The following VPS13A variants were observed in gnomAD, a reference collection of about 807,000 sequenced individuals.
The protein encoded by VPS13A is vacuolar protein sorting 13 homolog A, also known as intermembrane lipid transfer protein VPS13A.
A neutral mutation model predicts 390.9 loss-of-function variants in VPS13A; 264 were observed. That is an observed-to-expected ratio of 0.68 (90% CI 0.61 to 0.75). VPS13A has a LOEUF of 0.75. Ranked by LOEUF, VPS13A falls within the 30% of genes least tolerant of loss-of-function variation. VPS13A has a pLI of 0.00. For synonymous variants in VPS13A, 1,231 were observed against 1,227.1 expected, an observed-to-expected ratio of 1.00 and a Z score of -0.07; for missense variants, 3,409 against 3,733.9, an observed-to-expected ratio of 0.91 and a Z score of 2.27.
chr9:77,226,308 C>A (rs1044280211), intron 14 of VPS13A, among the ~76,000 whole-genome samples, 158 bp from the exon 15 acceptor site: 3 of 151,882 alleles, frequency 2.0e-5, no homozygotes, highest in Non-Finnish European at 2.9e-5. Context: ...TTCTTATGTT[C>A]GACTAATGTT....
intron 40 of VPS13A, among the ~76,000 whole-genome samples, 186 bp from the exon 41 acceptor site, chr9:77,318,049 A>G (rs1272654210): frequency 2.0e-5 from 3 of 151,948 alleles, no homozygotes; most frequent in Non-Finnish European, 4.4e-5. Context: ...TATCTGCAAG[A>G]TTCATGTAAA....
chr9:77,361,142 C>G (rs995781618), intron 59 of VPS13A, among the ~76,000 whole-genome samples: 1 of 152,068 alleles, frequency 6.6e-6, no homozygotes, highest in Admixed American at 6.6e-5. Context: ...AGATCACATA[C>G]CATACATTTC....
chr9:77,278,990 A>G (rs1357097315), intron 26 of VPS13A, among the ~76,000 whole-genome samples: 3 of 152,196 alleles, frequency 2.0e-5, no homozygotes, highest in African/African-American at 7.2e-5. Context: ...GCCCCAGGAC[A>G]GCATCTAGGG....
rs758665495 is a variant in VPS13A, at chr9:77,260,258, A to T, written c.2427+34A>T. 38 of 1,603,940 alleles carry T rather than the reference A, an allele frequency of 2.4e-5. No individual in the cohort carries two copies. In the Middle Eastern group the frequency reaches 5.0e-4, roughly 21 times the overall value. ...ACTTTCAAAATTAATATAAGCATGA[A>T]TTAAGAAAGTCCACAAATAGTATTT... On this transcript the variant is annotated intron_variant, in intron 23 of 71. Transcript: ENST00000360280.
At chr9:77,335,695 A>T (rs1830505165) in intron 46 of VPS13A, among the ~76,000 whole-genome samples, 1 of 152,230 alleles carries the variant, frequency 6.6e-6, no homozygotes, top group Non-Finnish European at 1.5e-5. Context: ...TTAAAAAGTC[A>T]GGACACAACA....
intron 68 of VPS13A, chr9:77,382,380 A>G: frequency 2.0e-6 from 3 of 1,476,156 alleles, no homozygotes; most frequent in Non-Finnish European, 2.7e-6. Context: ...CAGCTGTTTC[A>G]GTATTTTGAA....
intron 33 of VPS13A, among the ~76,000 whole-genome samples, chr9:77,296,663 T>C (rs2131378291): frequency 6.6e-6 from 1 of 152,342 alleles, no homozygotes; most frequent in East Asian, 1.9e-4. Flanking sequence ...CAGAATAAGT[T>C]GCATATCTTT....
chr9:77,382,292 T>C (rs1383172697), intron 68 of VPS13A: 1 of 1,531,124 alleles, frequency 6.5e-7, no homozygotes, highest in Non-Finnish European at 8.8e-7. Flanking sequence ...TCAAAAAGTT[T>C]GATATGAAAA....
rs529262536 is a variant in VPS13A at position 77,192,801 on chromosome 9, T to A, written c.101-7144T>A. Among the ~76,000 whole-genome samples, 3 of 152,270 alleles carry A rather than the reference T, an allele frequency of 2.0e-5. No individual in the cohort carries two copies. In the East Asian group the frequency reaches 5.8e-4, roughly 29 times the overall value. ...TTTCTTTCACATTGACCTTGGAGAA[T>A]CTGATGATTATGTGTCTTGGGGATG... On this transcript the variant is annotated intron_variant, in intron 1 of 71. Transcript: ENST00000360280.
intron 67 of VPS13A, among the ~76,000 whole-genome samples, chr9:77,374,264 G>A (rs756201262): frequency 2.6e-5 from 4 of 151,996 alleles, no homozygotes; most frequent in East Asian, 1.9e-4. Context: ...ATACATATCC[G>A]TGATGAAGTT....
intron 17 of VPS13A, among the ~76,000 whole-genome samples, chr9:77,231,180 T>G (rs532739085): frequency 6.6e-6 from 1 of 152,262 alleles, no homozygotes; most frequent in South Asian, 2.1e-4. Context: ...TCTGCAAATA[T>G]AGTTTTACTT....
At chr9:77,359,295 A>G (rs1459877039) in intron 57 of VPS13A, 38 bp from the exon 58 acceptor site, 2 of 1,574,922 alleles carry the variant, frequency 1.3e-6, no homozygotes, top group African/African-American at 2.7e-5. Flanking sequence ...CTTTTGCTTA[A>G]AGCATCATGG....
intron 32 of VPS13A, among the ~76,000 whole-genome samples, 167 bp from the exon 33 acceptor site, chr9:77,295,375 G>T (rs957687555): frequency 6.6e-6 from 1 of 151,828 alleles, no homozygotes; most frequent in Non-Finnish European, 1.5e-5. Flanking sequence ...AGTTTTTGTG[G>T]CAGAAAATTA....
At chr9:77,397,665 T>C (rs1324251717) in intron 68 of VPS13A, among the ~76,000 whole-genome samples, 2 of 152,204 alleles carry the variant, frequency 1.3e-5, no homozygotes, top group African/African-American at 4.8e-5. Flanking sequence ...TTCTTTGTGT[T>C]TCCAAATGTA....
intron 22 of VPS13A, among the ~76,000 whole-genome samples, chr9:77,257,972 T>G (rs1346292810): frequency 6.6e-6 from 1 of 152,228 alleles, no homozygotes; most frequent in Non-Finnish European, 1.5e-5. Context: ...ACCAAAATTC[T>G]AATAACATTT....
At chr9:77,334,757 T>C (rs749302601) in intron 46 of VPS13A, among the ~76,000 whole-genome samples, 7 of 152,198 alleles carry the variant, frequency 4.6e-5, no homozygotes, top group Admixed American at 6.5e-5. Context: ...ATTAGTTTAA[T>C]TTGGAAAAAA....
At position 77,416,588 on chromosome 9, in the gene VPS13A, CATT is replaced by C. The variant is rs1246673360; in HGVS notation, c.*587_*589del. 2 of 152,280 alleles carry C rather than the reference CATT, an allele frequency of 1.3e-5. No individual in the cohort carries two copies. The highest frequency in any genetic ancestry group is 4.8e-5 in the African/African-American group (2 of 41,430). 9.4% of individuals were successfully genotyped at this position (152,280 alleles called of 1,614,324 possible). On this transcript the variant is annotated 3_prime_UTR_variant, in exon 72 of 72. Coordinates refer to ENST00000360280, the MANE Select transcript of VPS13A (RefSeq NM_033305.3). ...TTTGAATTGTACTTAAAATGCATAG[CATT>C]ATTAAAAACAATCTTTTAAAATATA...
chr9:77,222,940 G>A (rs1327395916), intron 13 of VPS13A, among the ~76,000 whole-genome samples: 1 of 152,148 alleles, frequency 6.6e-6, no homozygotes, highest in Non-Finnish European at 1.5e-5. Flanking sequence ...GTGGCCAGTT[G>A]TTCAAACCGT....
intron 68 of VPS13A, among the ~76,000 whole-genome samples, chr9:77,393,781 T>G (rs888286618): frequency 1.1e-3 from 168 of 152,314 alleles, no homozygotes; most frequent in Non-Finnish European, 5.1e-4. Context: ...TTCTTTTTCT[T>G]TTTTTTGAGA....
Sources: allele counts gnomAD v4.1 joint callset (sites outside exome capture counted in the v4.1 genomes callset), GRCh38; gene constraint gnomAD v4.1.1; transcripts MANE v1.5; gene names NCBI Gene and HGNC (gene_info 2026-07-23, HGNC 2026-07-21).